The following MYO1D variants were observed in gnomAD, a reference collection of about 807,000 sequenced individuals.
MYO1D encodes unconventional myosin-Id.
Under a neutral mutation model 122.0 loss-of-function variants are expected in MYO1D, and 83 were observed. That is an observed-to-expected ratio of 0.68 (90% CI 0.57 to 0.82). The LOEUF is 0.82. MYO1D is among the 40% of genes least tolerant of loss of function. The probability of loss-of-function intolerance (pLI) is 0.00; values close to 1 mark genes in which losing one functional copy is unlikely to be tolerated. For synonymous variants in MYO1D, 464 were observed against 446.9 expected (o/e 1.04, Z -0.48); for missense variants, 1,157 against 1,269.5 (o/e 0.91, Z 1.35).
chr17:32,691,283 T>C (rs912402844), intron 16 of MYO1D, among the ~76,000 whole-genome samples: 19 of 151,996 alleles, frequency 1.3e-4, no homozygotes, highest in African/African-American at 4.6e-4. Context: ...AAAGAACTTA[T>C]TTCTTCTATC....
chr17:32,715,059 A>G (rs774688334), intron 15 of MYO1D, among the ~76,000 whole-genome samples: 3 of 152,252 alleles, frequency 2.0e-5, no homozygotes, highest in African/African-American at 7.2e-5. Context: ...ACATATGAAA[A>G]ATAGCTCAAC....
At chr17:32,550,364 T>C (rs1317384891) in intron 21 of MYO1D, among the ~76,000 whole-genome samples, 3 of 152,214 alleles carry the variant, frequency 2.0e-5, no homozygotes, top group Non-Finnish European at 4.4e-5. Context: ...CCTCCCAAAG[T>C]GCCGGGATTA....
chr17:32,876,089 A>G (rs970365335), intron 1 of MYO1D, among the ~76,000 whole-genome samples: 2 of 152,162 alleles, frequency 1.3e-5, no homozygotes, highest in African/African-American at 4.8e-5. Flanking sequence ...AACCAAAACC[A>G]TGAACGTCTT....
chr17:32,503,712 G>T (rs888363729), intron 21 of MYO1D, among the ~76,000 whole-genome samples: 1 of 152,192 alleles, frequency 6.6e-6, no homozygotes, highest in African/African-American at 2.4e-5. Flanking sequence ...ACAGAGACAG[G>T]CCGTCCTCCA....
chr17:32,645,861 G>T (rs532551337), intron 19 of MYO1D, among the ~76,000 whole-genome samples: 1 of 152,170 alleles, frequency 6.6e-6, no homozygotes, highest in East Asian at 1.9e-4. Flanking sequence ...TCCTCCTTTA[G>T]CTCGGAGAAG....
At chr17:32,838,969 GA>G (rs1438068977) in intron 1 of MYO1D, among the ~76,000 whole-genome samples, 3 of 152,186 alleles carry the variant, frequency 2.0e-5, no homozygotes, top group African/African-American at 7.2e-5. Flanking sequence ...CTTAATATAT[GA>G]AAAATTACAA....
intron 17 of MYO1D, chr17:32,658,873 G>A: frequency 1.9e-6 from 1 of 528,706 alleles, no homozygotes; most frequent in Non-Finnish European, 3.4e-6. Context: ...TATGGCTTGT[G>A]TCCAGGGGTT....
chr17:32,505,018 C>A (rs573610735), intron 21 of MYO1D: 1 of 152,826 alleles, frequency 6.5e-6, no homozygotes, highest in Admixed American at 6.5e-5. Flanking sequence ...AGACCCTTTT[C>A]TCTCCTTCCT....
At chr17:32,502,059 C>A (rs1015549000) in intron 21 of MYO1D, among the ~76,000 whole-genome samples, 1 of 152,140 alleles carries the variant, frequency 6.6e-6, no homozygotes, top group East Asian at 1.9e-4. Context: ...ACCTCCATAC[C>A]TTTGGTCACA....
intron 1 of MYO1D, among the ~76,000 whole-genome samples, chr17:32,806,834 T>C (rs987101115): frequency 3.3e-5 from 5 of 152,208 alleles, no homozygotes; most frequent in African/African-American, 9.7e-5. Context: ...GAATTACTTA[T>C]TTCTTTGCCT....
At chr17:32,656,011 A>C (rs2088471991) in intron 17 of MYO1D, among the ~76,000 whole-genome samples, 1 of 152,194 alleles carries the variant, frequency 6.6e-6, no homozygotes, top group South Asian at 2.1e-4. Flanking sequence ...TTTTTTGGCT[A>C]AGCAACTGAA....
intron 1 of MYO1D, among the ~76,000 whole-genome samples, chr17:32,864,007 C>CTTTTCTTTTTTTTTTTTTTTTTTT (rs2091100932): frequency 1.0e-4 from 5 of 48,962 alleles, no homozygotes; most frequent in African/African-American, 4.2e-4. Context: ...ACATTTCTTC[C>CTTTTCTTTTTTTTTTTTTTTTTTT]TTTTTTTTTT....
chr17:32,557,068 G>A (rs1402674416), intron 21 of MYO1D, among the ~76,000 whole-genome samples: 1 of 151,840 alleles, frequency 6.6e-6, no homozygotes, highest in African/African-American at 2.4e-5. Context: ...ACACCCTGCA[G>A]TTATCATTCA....
intron 21 of MYO1D, among the ~76,000 whole-genome samples, chr17:32,563,602 G>A (rs2087146749): frequency 6.6e-6 from 1 of 151,952 alleles, no homozygotes; most frequent in East Asian, 1.9e-4. Context: ...GCATCTTAAC[G>A]TCAGTGGGAG....
At chr17:32,671,743 A>G (rs2088724540) in intron 16 of MYO1D, among the ~76,000 whole-genome samples, 1 of 152,206 alleles carries the variant, frequency 6.6e-6, no homozygotes, top group Admixed American at 6.5e-5. Context: ...AATTTAAAAA[A>G]CTGGAAACAT....
chr17:32,762,425 C>G lies in MYO1D; in HGVS notation c.1036-1798G>C, dbSNP rs186393025. ...CTCAACACAGTCCATTTCAAATCAT[C>G]CTCCTCTCCCCATTTGTACTTTCAC... On this transcript the variant is annotated intron_variant, in intron 8 of 21. Transcript: ENST00000318217. Among the ~76,000 whole-genome samples, 299 of 152,164 alleles carry G rather than the reference C, an allele frequency of 2.0e-3. 3 individuals carry two copies. The highest frequency in any genetic ancestry group is 7.0e-3 in the African/African-American group (291 of 41,542).
At chr17:32,814,820 C>T (rs775247629) in intron 1 of MYO1D, among the ~76,000 whole-genome samples, 22 of 152,180 alleles carry the variant, frequency 1.4e-4, no homozygotes, top group Non-Finnish European at 2.8e-4. Context: ...CCAATACAAA[C>T]GTTTCTGTGG....
chr17:32,639,147 A>G (rs1414280158), intron 19 of MYO1D, among the ~76,000 whole-genome samples: 2 of 152,164 alleles, frequency 1.3e-5, no homozygotes, highest in Admixed American at 6.6e-5. Context: ...TATATCTAAA[A>G]AGGGACTTGT....
At chr17:32,732,007 TG>T (rs1458610105) in intron 14 of MYO1D, among the ~76,000 whole-genome samples, 1 of 152,246 alleles carries the variant, frequency 6.6e-6, no homozygotes, top group Non-Finnish European at 1.5e-5. Context: ...AAGTTGAGGC[TG>T]AGCCTGGGCA....
Sources: gnomAD v4.1 joint callset for allele counts (sites outside exome capture counted in the v4.1 genomes callset) on GRCh38, gnomAD v4.1.1 for gene constraint, MANE v1.5 for transcripts, NCBI Gene and HGNC (gene_info 2026-07-23, HGNC 2026-07-21) for gene names.